The following ARHGEF16 variants were observed in gnomAD, a reference collection of about 807,000 sequenced individuals.
ARHGEF16 encodes Rho guanine nucleotide exchange factor 16, also known as Rho guanine exchange factor (GEF) 16.
Under a neutral mutation model 74.1 loss-of-function variants are expected in ARHGEF16, and 59 were observed. That is an observed-to-expected ratio of 0.80 (90% CI 0.65 to 0.99). The LOEUF (loss-of-function observed/expected upper bound fraction) is 0.99. Ranked by LOEUF, ARHGEF16 falls within the 50% of genes least tolerant of loss-of-function variation. The probability of loss-of-function intolerance (pLI) is 0.00; values close to 1 mark genes in which losing one functional copy is unlikely to be tolerated. For synonymous variants in ARHGEF16, 415 were observed against 412.6 expected, an observed-to-expected ratio of 1.01 and a Z score of -0.07; for missense variants, 948 against 986.6, an observed-to-expected ratio of 0.96 and a Z score of 0.52.
chr1:3,461,630 A>G lies in ARHGEF16; in HGVS notation c.-19-1436A>G, dbSNP rs192519255. On this transcript the variant is annotated intron_variant, in intron 1 of 14. Coordinates refer to ENST00000378378, the MANE Select transcript of ARHGEF16 (RefSeq NM_014448.4). ...CAAGCAGCCCGGGGCGTGAAAGCTC[A>G]CTGTGGGCCTGACCGCTGTGGCCGA... Among the ~76,000 whole-genome samples, 1,259 of 152,262 alleles carry G rather than the reference A, an allele frequency of 8.3e-3. 21 individuals are homozygous for G. Among genetic ancestry groups the G allele is most frequent in the African/African-American group, 0.029 (1,204 of 41,562 alleles).
At chr1:3,472,998 G>A in intron 6 of ARHGEF16, 80 bp from the exon 7 acceptor site, 1 of 1,481,580 alleles carries the variant, frequency 6.7e-7, no homozygotes, top group Non-Finnish European at 9.2e-7. Flanking sequence ...GAGTGTGCAT[G>A]CAGATGCATG....
intron 4 of ARHGEF16, among the ~76,000 whole-genome samples, 172 bp downstream of exon 4, chr1:3,467,509 G>T (rs776985482): frequency 2.6e-5 from 4 of 152,214 alleles, no homozygotes; most frequent in Non-Finnish European, 5.9e-5. Context: ...AGACCTGGGG[G>T]TCTCCCTCCT....
rs771283374 is a variant in ARHGEF16 at position 3,477,904 on chromosome 1, G to A, written c.1503G>A (p.Trp501Ter). 2 of 1,612,680 alleles carry A rather than the reference G, an allele frequency of 1.2e-6. No homozygotes were observed. Among genetic ancestry groups the A allele is most frequent in the Non-Finnish European group, 8.5e-7 (1 of 1,179,904 alleles). The change falls in exon 11 of 15, where the codon TGG becomes TGA. Residue 501 changes from tryptophan to a stop codon, truncating the protein, a stop_gained. Coordinates refer to ENST00000378378, the MANE Select transcript of ARHGEF16 (RefSeq NM_014448.4). LOFTEE classifies it high-confidence loss of function. ...TCCCACTGATCTCTGCCTCCCGGTG[G>A]CTGCTGAAGCGCGGAGAGCTGTTCT... Reference protein sequence around the residue: ...KSLPLISASRWLLKRGELFLV... With the variant: ...KSLPLISASR
chr1:3,463,660 G>A lies in ARHGEF16; in HGVS notation c.576G>A (p.Pro192=), dbSNP rs140063293. The change falls in exon 2 of 15, where the codon CCG becomes CCA. Residue 192 remains proline (P), a synonymous_variant. Coordinates refer to ENST00000378378, the MANE Select transcript of ARHGEF16 (RefSeq NM_014448.4). ...EEPSQPHTRS[P]AKNKKTLGRK... is the part of the protein sequence containing the mutation. ...CCAGCCAGCCTCATACTCGGAGCCC[G>A]GCCAAAAACAAGGTAGGGGCCTGCT... 2.2e-4 allele frequency: 317 copies of A among 1,413,512 alleles called. 1 individual carries two copies. The East Asian group carries it at 7.4e-3, about 33-fold the overall frequency. 87.6% of individuals were successfully genotyped at this position (1,413,512 alleles called of 1,614,324 possible). A position where few individuals can be genotyped will look rare whatever the true frequency, so the allele number is the denominator to read the frequency against.
At chr1:3,464,966 T>A (rs1160816241) in intron 2 of ARHGEF16, among the ~76,000 whole-genome samples, 1 of 152,154 alleles carries the variant, frequency 6.6e-6, no homozygotes, top group East Asian at 1.9e-4. Context: ...GGGTCCCCCA[T>A]GTCCCCAGCA....
In ARHGEF16 at chr1:3,463,155, G is replaced by A. The variant is rs1026294109; in HGVS notation, c.71G>A (p.Arg24Gln). 30 of 1,505,230 alleles carry A rather than the reference G, an allele frequency of 2.0e-5. No individual in the cohort carries two copies. In the East Asian group the frequency reaches 3.7e-4, roughly 19 times the overall value. 93.2% of individuals were successfully genotyped at this position (1,505,230 alleles called of 1,614,324 possible). A position where few individuals can be genotyped will look rare whatever the true frequency, so the allele number is the denominator to read the frequency against. Residue 24 changes from arginine (R) to glutamine (Q), a missense_variant, in exon 2 of 15, where the codon CGG becomes CAG. Arg to Gln is a conservative substitution (Grantham distance 43). Coordinates refer to ENST00000378378, the MANE Select transcript of ARHGEF16 (RefSeq NM_014448.4). ...GGACACCGCTTCCACTCGGAGCTCC[G>A]GCTCGATGCCGGGGGGAACCCAGCC... ...LLGHRFHSEL[R>Q]LDAGGNPASG...
In ARHGEF16 at chr1:3,467,170, C is replaced by G; in HGVS notation, c.637C>G (p.Pro213Ala). 1 of 1,550,394 alleles carries G rather than the reference C, an allele frequency of 6.4e-7. No homozygotes were observed. The highest frequency in any genetic ancestry group is 1.7e-4 in the Middle Eastern group (1 of 5,984). ...GGTTACCCTCCTTCTCTCTCTAGAC[C>G]CCCAGCTCTACCAGGAGATCCAGGA... ...RGHKGSFKDD[P>A]QLYQEIQERG... Residue 213 changes from proline (P) to alanine (A), a missense_variant and splice_region_variant, in exon 4 of 15, where the codon CCC becomes GCC. Coordinates refer to ENST00000378378, the MANE Select transcript of ARHGEF16 (RefSeq NM_014448.4).
intron 6 of ARHGEF16, 106 bp downstream of exon 6, chr1:3,469,699 C>T (rs2100746716): frequency 6.9e-7 from 1 of 1,445,560 alleles, no homozygotes; most frequent in East Asian, 2.3e-5. Flanking sequence ...CTGCGCTGCA[C>T]CTTGATGTGG....
At chr1:3,474,244 T>C (rs1400156305) in intron 8 of ARHGEF16, 1 of 209,654 alleles carries the variant, frequency 4.8e-6, no homozygotes, top group African/African-American at 2.3e-5. Context: ...CACACATGCA[T>C]GCACATGGTG....
At position 3,463,370 on chromosome 1, in the gene ARHGEF16, G is replaced by T. The variant is rs1314988339; in HGVS notation, c.286G>T (p.Ala96Ser). Residue 96 changes from alanine to serine, a missense_variant, in exon 2 of 15, where the codon GCC becomes TCC. Coordinates refer to ENST00000378378, the MANE Select transcript of ARHGEF16 (RefSeq NM_014448.4). ...QQLIPKSLAV[A>S]SKAKTPARHQ... ...GCTGATCCCTAAGAGCCTGGCTGTG[G>T]CCAGCAAGGCAAAGACCCCAGCCCG... The T allele has an allele frequency of 5.2e-6, 8 of 1,550,200 alleles. No individual in the cohort carries two copies. Among genetic ancestry groups the T allele is most frequent in the Non-Finnish European group, 7.0e-6 (8 of 1,146,902 alleles).
chr1:3,462,067 G>A (rs1202157695), intron 1 of ARHGEF16, among the ~76,000 whole-genome samples: 3 of 151,708 alleles, frequency 2.0e-5, no homozygotes, highest in East Asian at 1.9e-4. Context: ...TCGGGGGCAC[G>A]CGCTGCCAGG....
At chr1:3,468,402 A>G (rs943363658) in intron 4 of ARHGEF16, 9 of 185,136 alleles carry the variant, frequency 4.9e-5, no homozygotes, top group Non-Finnish European at 1.0e-4. Context: ...CGCCAAGGCG[A>G]CCCGCCAGCT....
chr1:3,458,251 G>C (rs1025755645), intron 1 of ARHGEF16, among the ~76,000 whole-genome samples: 1 of 152,154 alleles, frequency 6.6e-6, no homozygotes, highest in Non-Finnish European at 1.5e-5. Context: ...GCCAGCCTGC[G>C]GCTCCCTCTG....
chr1:3,475,884 C>T (rs978782836), intron 9 of ARHGEF16, 86 bp from the exon 10 acceptor site: 21 of 1,349,390 alleles, frequency 1.6e-5, no homozygotes, highest in Non-Finnish European at 1.9e-5. Flanking sequence ...GCTGGCTGGG[C>T]AGGTGTCCTG....
intron 1 of ARHGEF16, among the ~76,000 whole-genome samples, chr1:3,459,881 C>T (rs567346809): frequency 6.6e-6 from 1 of 152,138 alleles, no homozygotes; most frequent in African/African-American, 2.4e-5. Context: ...TAGGAATGCC[C>T]ATAGGTGGGG....
intron 1 of ARHGEF16, among the ~76,000 whole-genome samples, chr1:3,456,006 C>A (rs1639257541): frequency 6.6e-6 from 1 of 152,166 alleles, no homozygotes; most frequent in East Asian, 1.9e-4. Context: ...GCACTCCTCA[C>A]CCACCCCAGT....
chr1:3,477,157 C>A (rs1438487641), intron 10 of ARHGEF16, among the ~76,000 whole-genome samples: 1 of 151,504 alleles, frequency 6.6e-6, no homozygotes, highest in Non-Finnish European at 1.5e-5. Flanking sequence ...GTAGTGGGCA[C>A]AGGTGGGGAA....
chr1:3,463,662 C>T lies in ARHGEF16; in HGVS notation c.578C>T (p.Ala193Val). 1 of 1,412,750 alleles carries T rather than the reference C, an allele frequency of 7.1e-7. No homozygotes were observed. Among genetic ancestry groups the T allele is most frequent in the Non-Finnish European group, 9.3e-7 (1 of 1,077,364 alleles). The allele number at this position is 1,412,750 out of a possible 1,614,324, so 87.5% of individuals were successfully genotyped here. A position where few individuals can be genotyped will look rare whatever the true frequency, so the allele number is the denominator to read the frequency against. Residue 193 changes from alanine (A) to valine (V), a missense_variant, in exon 2 of 15, where the codon GCC becomes GTC. Coordinates refer to ENST00000378378, the MANE Select transcript of ARHGEF16 (RefSeq NM_014448.4). ...EPSQPHTRSP[A>V]KNKKTLGRKR... Reference sequence around the variant, plus strand: ...AGCCAGCCTCATACTCGGAGCCCGGCCAAAAACAAGGTAGGGGCCTGCTCG... The same window carrying T: ...AGCCAGCCTCATACTCGGAGCCCGGTCAAAAACAAGGTAGGGGCCTGCTCG...
chr1:3,463,545 A>T lies in ARHGEF16; in HGVS notation c.461A>T (p.Tyr154Phe). 6.8e-7 allele frequency: 1 copy of T among 1,461,452 alleles called. No individual in the cohort carries two copies. The highest frequency in any genetic ancestry group is 1.4e-5 in the South Asian group (1 of 69,982). 90.5% of individuals were successfully genotyped at this position (1,461,452 alleles called of 1,614,324 possible). The change falls in exon 2 of 15, where the codon TAC becomes TTC. Residue 154 changes from tyrosine to phenylalanine, a missense_variant. Transcript: ENST00000378378. ...AGGCGGAACCTGCGGAACCAATCCT[A>T]CCGGGCGGCCATGAAGGGCCTGGGG... ...MLRRNLRNQS[Y>F]RAAMKGLGKP...
Sources: gnomAD v4.1 joint callset for allele counts (sites outside exome capture counted in the v4.1 genomes callset) on GRCh38, gnomAD v4.1.1 for gene constraint, MANE v1.5 for transcripts, NCBI Gene and HGNC (gene_info 2026-07-23, HGNC 2026-07-21) for gene names.